The following MARCHF10 variants were observed in gnomAD, a reference collection of about 807,000 sequenced individuals.
MARCHF10 encodes membrane associated ring-CH-type finger 10.
A neutral mutation model predicts 76.2 loss-of-function variants in MARCHF10; 64 were observed. The ratio of observed to expected loss-of-function variants is 0.84; its 90% confidence interval spans 0.69 to 1.03. The LOEUF is 1.03. Ranked by LOEUF, MARCHF10 falls within the 50% of genes least tolerant of loss-of-function variation. The pLI is 0.00. For synonymous variants in MARCHF10, 340 were observed against 357.5 expected, an observed-to-expected ratio of 0.95 and a Z score of 0.55; for missense variants, 875 against 958.0, an observed-to-expected ratio of 0.91 and a Z score of 1.14.
intron 5 of MARCHF10, among the ~76,000 whole-genome samples, chr17:62,742,071 T>C (rs1369176694): frequency 7.1e-6 from 1 of 140,594 alleles, no homozygotes; most frequent in African/African-American, 2.7e-5. Flanking sequence ...CAAGCTGGAA[T>C]GCAGTAGGCA....
intron 4 of MARCHF10, among the ~76,000 whole-genome samples, chr17:62,744,999 A>C (rs1276378839): frequency 1.2e-5 from 1 of 84,536 alleles, no homozygotes; most frequent in African/African-American, 4.6e-5. Flanking sequence ...GCAAGACTCC[A>C]TCTCAAAAAA....
chr17:62,796,273 T>G (rs1290676209), intron 2 of MARCHF10, among the ~76,000 whole-genome samples: 2 of 152,156 alleles, frequency 1.3e-5, no homozygotes, highest in Admixed American at 6.5e-5. Context: ...ATTACAGGCA[T>G]GAGCCACTGC....
At chr17:62,704,185 C>T (rs1568083860) in intron 10 of MARCHF10, among the ~76,000 whole-genome samples, 1 of 151,530 alleles carries the variant, frequency 6.6e-6, no homozygotes, top group East Asian at 1.9e-4. Flanking sequence ...GAGGCGGAGG[C>T]TGGGACGCGC....
In MARCHF10 at chr17:62,788,497, T is replaced by C. The variant is rs779082806; in HGVS notation, c.193A>G (p.Arg65Gly). The C allele has an allele frequency of 6.2e-7, 1 of 1,614,154 alleles. No individual in the cohort carries two copies. Among genetic ancestry groups the C allele is most frequent in the South Asian group, 1.1e-5 (1 of 91,090 alleles). ...CTTCATACCTGTTTGGAAGATGACC[T>C]GCTAGAAAACCGGGATCTCTCAAAA... ...TSFERSRFSS[R>G]SSSKQSSSEE... Residue 65 changes from arginine (R) to glycine (G), a missense_variant, in exon 3 of 11, where the codon AGG becomes GGG. By Grantham distance (125) the Arg-to-Gly change is moderately radical. Coordinates refer to ENST00000311269, the MANE Select transcript of MARCHF10 (RefSeq NM_152598.4).
chr17:62,793,980 TCAC>T (rs1181934196), intron 2 of MARCHF10, among the ~76,000 whole-genome samples: 1 of 116,130 alleles, frequency 8.6e-6, no homozygotes, highest in East Asian at 2.8e-4. Flanking sequence ...ACCACTTCCA[TCAC>T]CACCACCACC....
intron 3 of MARCHF10, among the ~76,000 whole-genome samples, chr17:62,787,805 G>A (rs1003989728): frequency 1.3e-5 from 2 of 152,126 alleles, no homozygotes; most frequent in Non-Finnish European, 2.9e-5. Context: ...ATACATTTAT[G>A]AGAATTAAAT....
At chr17:62,768,070 G>A (rs2092374396) in intron 3 of MARCHF10, among the ~76,000 whole-genome samples, 2 of 152,188 alleles carry the variant, frequency 1.3e-5, no homozygotes, top group South Asian at 2.1e-4. Flanking sequence ...GCATCAGCCT[G>A]AGTCCCTGAA....
Position 62,759,853 on chromosome 17 carries a change from G to T in MARCHF10, c.364C>A (p.Pro122Thr), listed in dbSNP as rs773307219. 6.8e-6 allele frequency: 11 copies of T among 1,613,786 alleles called. No individual in the cohort carries two copies. In the South Asian group the frequency reaches 1.1e-4, roughly 16 times the overall value. Residue 122 changes from proline to threonine, a missense_variant, in exon 4 of 11, where the codon CCC becomes ACC. Pro to Thr is a conservative substitution (Grantham distance 38). Transcript: ENST00000311269. Reference protein sequence around the residue: ...MTVRKAEKVDPSEPSPADQAP... With the variant: ...MTVRKAEKVDTSEPSPADQAP... ...CACTCACCTGGAGAGGGTTCGCTGG[G>T]GTCCACTTTCTCTGCTTTCCTTACA... is the stretch of plus-strand genomic sequence containing the variant.
chr17:62,728,862 AT>A, intron 6 of MARCHF10, among the ~76,000 whole-genome samples: 1 of 152,352 alleles, frequency 6.6e-6, no homozygotes, highest in East Asian at 1.9e-4. Flanking sequence ...GCAAATCCAA[AT>A]CAGAGTGAAG....
intron 9 of MARCHF10, among the ~76,000 whole-genome samples, chr17:62,706,942 T>C (rs2089629704): frequency 6.6e-6 from 1 of 152,202 alleles, no homozygotes; most frequent in Admixed American, 6.5e-5. Flanking sequence ...AAAGTGAGGC[T>C]GGTGGGTCCT....
chr17:62,792,053 C>A (rs1318232750), intron 2 of MARCHF10, among the ~76,000 whole-genome samples: 1 of 152,054 alleles, frequency 6.6e-6, no homozygotes, highest in Admixed American at 6.6e-5. Context: ...AAATTGAAGG[C>A]TTCAGGTAAC....
At chr17:62,790,075 G>A (rs1179091385) in intron 2 of MARCHF10, among the ~76,000 whole-genome samples, 2 of 152,062 alleles carry the variant, frequency 1.3e-5, no homozygotes, top group Non-Finnish European at 2.9e-5. Context: ...AATAAAATCT[G>A]GTACCAAAAT....
intron 10 of MARCHF10, among the ~76,000 whole-genome samples, chr17:62,702,972 C>CA (rs2089340361): frequency 6.6e-6 from 1 of 152,204 alleles, no homozygotes; most frequent in Non-Finnish European, 1.5e-5. Flanking sequence ...TGCATATCTG[C>CA]AGGAGGTATT....
At chr17:62,789,069 CAA>C (rs34556672) in intron 2 of MARCHF10, among the ~76,000 whole-genome samples, 79 of 36,866 alleles carry the variant, frequency 2.1e-3, no homozygotes, top group African/African-American at 7.3e-3. Flanking sequence ...GACTCCGTCT[CAA>C]AAAAAAAAAA....
rs1404384686 is a variant in MARCHF10 at position 62,722,483 on chromosome 17, CT to C, written c.2214+4del. 6.2e-7 allele frequency: 1 copy of C among 1,608,842 alleles called. No homozygotes were observed. Among genetic ancestry groups the C allele is most frequent in the Admixed American group, 1.7e-5 (1 of 59,626 alleles). On this transcript the variant is annotated splice_donor_region_variant and intron_variant, in intron 8 of 10. Transcript: ENST00000311269. ...CTGTGGAGGCAGAGTGGCCACATTT[CT>C]TACCTGAGATTGCTGGTGCTTCTGG...
intron 9 of MARCHF10, among the ~76,000 whole-genome samples, chr17:62,710,529 T>G (rs1017982056): frequency 1.3e-5 from 2 of 148,458 alleles, no homozygotes; most frequent in Non-Finnish European, 3.0e-5. Context: ...AGGTTTCTTA[T>G]GACTAACAGT....
At chr17:62,779,062 C>T (rs1410328571) in intron 3 of MARCHF10, among the ~76,000 whole-genome samples, 2 of 152,190 alleles carry the variant, frequency 1.3e-5, no homozygotes, top group Non-Finnish European at 2.9e-5. Flanking sequence ...CTCTCCATGA[C>T]GTGCGTTTCA....
intron 10 of MARCHF10, among the ~76,000 whole-genome samples, chr17:62,704,344 G>A (rs1409365640): frequency 6.6e-6 from 1 of 152,100 alleles, no homozygotes; most frequent in Non-Finnish European, 1.5e-5. Context: ...GGCGAGGCCG[G>A]GGTCGGGGGT....
At chr17:62,753,127 C>G (rs1316201996) in intron 4 of MARCHF10, among the ~76,000 whole-genome samples, 2 of 151,896 alleles carry the variant, frequency 1.3e-5, no homozygotes, top group Non-Finnish European at 2.9e-5. Flanking sequence ...TGAGATGGAG[C>G]CTTGCTCTGT....
Sources: allele counts gnomAD v4.1 joint callset (sites outside exome capture counted in the v4.1 genomes callset), GRCh38; gene constraint gnomAD v4.1.1; transcripts MANE v1.5; gene names NCBI Gene and HGNC (gene_info 2026-07-23, HGNC 2026-07-21).